Variants in DDX1 observed in about 807,000 individuals in gnomAD.
The protein encoded by DDX1 is ATP-dependent RNA helicase DDX1.
In DDX1, 28 loss-of-function variants were observed where a neutral mutation model predicts 108.7. That is an observed-to-expected ratio of 0.26 (90% CI 0.19 to 0.35). The LOEUF (loss-of-function observed/expected upper bound fraction) is 0.35. Among genes scored for constraint, DDX1 ranks in the 10% least tolerant of loss-of-function variants. DDX1 has a pLI of 1.00. For missense variants in DDX1, 710 were observed against 884.5 expected, an observed-to-expected ratio of 0.80 and a Z score of 2.50; for synonymous variants, 295 against 288.9, an observed-to-expected ratio of 1.02 and a Z score of -0.21.
chr2:15,618,623 G>A (rs944439445), intron 16 of DDX1, among the ~76,000 whole-genome samples: 4 of 152,368 alleles, frequency 2.6e-5, no homozygotes, highest in African/African-American at 9.6e-5. Flanking sequence ...GCCAGGCCCC[G>A]AGGCTTCAGG....
Position 15,620,240 on chromosome 2 carries a change from C to T in DDX1, c.1239C>T (p.Phe413=), listed in dbSNP as rs368420085. 310 of 1,613,766 alleles carry T rather than the reference C, an allele frequency of 1.9e-4. 2 individuals are homozygous for T. In the East Asian group the frequency reaches 3.8e-3, roughly 20 times the overall value. ...VIVCSATLHS[F]DVKKLSEKIM... is the part of the protein sequence containing the mutation. ...TTTGCTCTGCCACTTTGCATTCTTT[C>T]GATGTAAAGAAACTGTCCGAGAAGA... Residue 413 remains phenylalanine (F), a synonymous_variant, in exon 17 of 26, where the codon TTC becomes TTT. Coordinates refer to ENST00000233084, the MANE Select transcript of DDX1 (RefSeq NM_004939.3).
At chr2:15,614,261 C>T (rs1486294615) in intron 14 of DDX1, among the ~76,000 whole-genome samples, 1 of 152,114 alleles carries the variant, frequency 6.6e-6, no homozygotes, top group Non-Finnish European at 1.5e-5. Context: ...AAAGCTAAAC[C>T]ATCCGATATT....
chr2:15,603,918 T>C (rs1558452688), intron 9 of DDX1, 28 bp downstream of exon 9: 4 of 1,472,854 alleles, frequency 2.7e-6, no homozygotes, highest in Admixed American at 1.8e-5. Context: ...GACTTCAACA[T>C]AGCATAAGTA....
At chr2:15,617,209 A>G in intron 14 of DDX1, 35 bp from the exon 15 acceptor site, 1 of 1,126,396 alleles carries the variant, frequency 8.9e-7, no homozygotes, top group South Asian at 1.5e-5. Context: ...CTGTTTCTTT[A>G]GTTTTCATTA....
intron 13 of DDX1, among the ~76,000 whole-genome samples, chr2:15,610,809 A>G (rs1665738718): frequency 7.1e-6 from 1 of 141,556 alleles, no homozygotes; most frequent in South Asian, 2.3e-4. Flanking sequence ...CACTTCAGCA[A>G]TAGATACAGC....
intron 10 of DDX1, among the ~76,000 whole-genome samples, chr2:15,605,525 G>C (rs1665648165): frequency 6.6e-6 from 1 of 152,130 alleles, no homozygotes; most frequent in South Asian, 2.1e-4. Flanking sequence ...AAAGGGGTGA[G>C]GGTGGGGAGC....
chr2:15,615,766 G>GT (rs1665883691), intron 14 of DDX1, among the ~76,000 whole-genome samples: 1 of 152,066 alleles, frequency 6.6e-6, no homozygotes, highest in African/African-American at 2.4e-5. Flanking sequence ...TGGAAGTGTT[G>GT]TTTTTTAATG....
At chr2:15,620,059 C>T (rs1472461726) in intron 16 of DDX1, 149 bp from the exon 17 acceptor site, 1 of 680,550 alleles carries the variant, frequency 1.5e-6, no homozygotes, top group Non-Finnish European at 2.4e-6. Flanking sequence ...TGCCCAAAGT[C>T]ATAACTCTAG....
At chr2:15,627,780 G>A (rs765592330) in intron 20 of DDX1, among the ~76,000 whole-genome samples, 4 of 152,112 alleles carry the variant, frequency 2.6e-5, no homozygotes, top group Admixed American at 6.6e-5. Flanking sequence ...AAGAACTTTG[G>A]CTTACGTTTC....
chr2:15,612,322 C>T (rs1481686415), intron 13 of DDX1, among the ~76,000 whole-genome samples: 1 of 149,786 alleles, frequency 6.7e-6, no homozygotes. Flanking sequence ...TCCTCACATC[C>T]CAGACGGGGC....
Position 15,595,544 on chromosome 2 carries a change from T to C in DDX1, c.123T>C (p.Asp41=). The change falls in exon 3 of 26, where the codon GAT becomes GAC. Residue 41 remains aspartate (D), a synonymous_variant. Transcript: ENST00000233084. ...ESIPLILGGG[D]VLMAAETGSG... is the part of the protein sequence containing the mutation. ...TCCCATTGATCTTAGGAGGAGGTGA[T>C]GTACTTATGGTAAGTTTAAATTTGG... 1 of 1,608,144 alleles carries C rather than the reference T, an allele frequency of 6.2e-7. No individual in the cohort carries two copies. The highest frequency in any genetic ancestry group is 8.5e-7 in the Non-Finnish European group (1 of 1,174,538).
At chr2:15,601,460 C>T (rs1336710635) in intron 6 of DDX1, among the ~76,000 whole-genome samples, 1 of 152,206 alleles carries the variant, frequency 6.6e-6, no homozygotes, top group African/African-American at 2.4e-5. Context: ...AGGGTTCCTA[C>T]AATTCCTTCC....
chr2:15,605,754 G>A (rs1477491257), intron 10 of DDX1, among the ~76,000 whole-genome samples, 196 bp from the exon 11 acceptor site: 1 of 152,142 alleles, frequency 6.6e-6, no homozygotes, highest in East Asian at 1.9e-4. Flanking sequence ...AGGGAGTAAT[G>A]AAAAATGTAG....
In DDX1 at chr2:15,617,228, G is replaced by C; in HGVS notation, c.1018-16G>C. ...TTCTTTAGTTTTCATTAAGTGGTTG[G>C]TTTGCTTTTTTTCAGGTAGATATAG... On this transcript the variant is annotated splice_polypyrimidine_tract_variant and intron_variant, in intron 14 of 25. Coordinates refer to ENST00000233084, the MANE Select transcript of DDX1 (RefSeq NM_004939.3). 1.4e-6 allele frequency: 2 copies of C among 1,431,518 alleles called. No individual in the cohort carries two copies. Among genetic ancestry groups the C allele is most frequent in the Non-Finnish European group, 1.9e-6 (2 of 1,040,478 alleles). The allele number at this position is 1,431,518 out of a possible 1,614,324, so 88.7% of individuals were successfully genotyped here. A position where few individuals can be genotyped will look rare whatever the true frequency, so the allele number is the denominator to read the frequency against.
intron 15 of DDX1, 76 bp from the exon 16 acceptor site, chr2:15,618,105 T>C: frequency 3.8e-6 from 3 of 794,642 alleles, no homozygotes; most frequent in Admixed American, 4.6e-5. Flanking sequence ...AGAAAAAAGA[T>C]TTTTGATACT....
intron 19 of DDX1, among the ~76,000 whole-genome samples, chr2:15,625,488 C>T (rs1260399646): frequency 6.6e-5 from 10 of 151,866 alleles, no homozygotes; most frequent in African/African-American, 1.2e-4. Flanking sequence ...ATATGCATGC[C>T]GAACTCTGTA....
chr2:15,592,254 C>A (rs1434202078), intron 1 of DDX1, among the ~76,000 whole-genome samples: 1 of 152,242 alleles, frequency 6.6e-6, no homozygotes, highest in Non-Finnish European at 1.5e-5. Flanking sequence ...GGCGGCGTTG[C>A]TCTGGCGGCT....
chr2:15,606,123 T>C, intron 11 of DDX1, 27 bp from the exon 12 acceptor site: 1 of 1,598,244 alleles, frequency 6.3e-7, no homozygotes, highest in Non-Finnish European at 8.6e-7. Context: ...GGTAGGAATT[T>C]TAATTTTCTG....
chr2:15,604,461 G>C lies in DDX1; in HGVS notation c.577G>C (p.Gly193Arg). 6.2e-7 allele frequency: 1 copy of C among 1,610,862 alleles called. No homozygotes were observed. The highest frequency in any genetic ancestry group is 1.3e-5 in the African/African-American group (1 of 74,966). The change falls in exon 10 of 26, where the codon GGA becomes CGA. Residue 193 changes from glycine (G) to arginine (R), a missense_variant. Gly to Arg is a moderately radical substitution (Grantham distance 125). Coordinates refer to ENST00000233084, the MANE Select transcript of DDX1 (RefSeq NM_004939.3). Reference protein sequence around the residue: ...GEEFTMHDTIGCYLDIDKGHV... With the variant: ...GEEFTMHDTIRCYLDIDKGHV... ...GGAATTCACTATGCATGATACCATT[G>C]GATGTTACCTGGATATAGATAAGGG...
Sources: allele counts gnomAD v4.1 joint callset (sites outside exome capture counted in the v4.1 genomes callset), GRCh38; gene constraint gnomAD v4.1.1; transcripts MANE v1.5; gene names NCBI Gene and HGNC (gene_info 2026-07-23, HGNC 2026-07-21).